STK33: variants seen among roughly 807,000 people sequenced by gnomAD.
The protein encoded by STK33 is serine/threonine-protein kinase 33.
A neutral mutation model predicts 58.0 loss-of-function variants in STK33; 52 were observed. The ratio of observed to expected loss-of-function variants is 0.90; its 90% CI spans 0.72 to 1.13. The LOEUF is 1.13. Among genes scored for constraint, STK33 ranks in the 50% most tolerant of loss-of-function variants. The probability of loss-of-function intolerance (pLI) is 0.00; values close to 1 mark genes in which losing one functional copy is unlikely to be tolerated. For missense variants in STK33, 630 were observed against 604.2 expected, an observed-to-expected ratio of 1.04 and a Z score of -0.45; for synonymous variants, 215 against 200.1, an observed-to-expected ratio of 1.07 and a Z score of -0.63.
intron 1 of STK33, among the ~76,000 whole-genome samples, chr11:8,556,982 G>A (rs2140832435): frequency 6.6e-6 from 1 of 152,032 alleles, no homozygotes; most frequent in South Asian, 2.1e-4. Context: ...CAGGCATGGT[G>A]TCTCATGCCT....
At chr11:8,347,574 C>T in the STK33 span, among the ~76,000 whole-genome samples, 16 of 152,192 alleles carry the variant, frequency 1.1e-4, no homozygotes, top group African/African-American at 2.7e-4. Flanking sequence ...CCGAGAGAAA[C>T]GAGCGCTATG....
intron 11 of STK33, among the ~76,000 whole-genome samples, chr11:8,444,600 G>A (rs1945181191): frequency 6.6e-6 from 1 of 152,046 alleles, no homozygotes; most frequent in Middle Eastern, 3.4e-3. Context: ...TGAATTTATA[G>A]GAGAATATAA....
At chr11:8,493,959 G>C (rs569643060) in intron 1 of STK33, among the ~76,000 whole-genome samples, 2 of 152,178 alleles carry the variant, frequency 1.3e-5, no homozygotes, top group Admixed American at 6.5e-5. Context: ...AAAATAATAA[G>C]AGCTATTTAT....
At chr11:8,443,759 G>A (rs1455823631) in intron 11 of STK33, among the ~76,000 whole-genome samples, 1 of 152,184 alleles carries the variant, frequency 6.6e-6, no homozygotes, top group Non-Finnish European at 1.5e-5. Flanking sequence ...AGCACTTTGG[G>A]AGGCCAAAAC....
At chr11:8,480,812 T>G (rs1006073905) in intron 1 of STK33, among the ~76,000 whole-genome samples, 198 bp from the exon 2 acceptor site, 1 of 152,122 alleles carries the variant, frequency 6.6e-6, no homozygotes, top group Non-Finnish European at 1.5e-5. Context: ...AAGGCTCTGC[T>G]GTGCTCCATC....
At chr11:8,459,600 A>G (rs1278091553) in intron 8 of STK33, among the ~76,000 whole-genome samples, 1 of 152,190 alleles carries the variant, frequency 6.6e-6, no homozygotes, top group Non-Finnish European at 1.5e-5. Context: ...GAGAGGAAAT[A>G]CATGAGGCAT....
intron 1 of STK33, among the ~76,000 whole-genome samples, chr11:8,511,069 T>C (rs902642253): frequency 2.0e-5 from 3 of 152,204 alleles, no homozygotes; most frequent in African/African-American, 2.4e-5. Context: ...AATCTGTAGA[T>C]TGCTTTTGGC....
At chr11:8,503,909 T>G (rs137997382) in intron 1 of STK33, among the ~76,000 whole-genome samples, 1 of 152,210 alleles carries the variant, frequency 6.6e-6, no homozygotes, top group Non-Finnish European at 1.5e-5. Context: ...GAACTTGACT[T>G]CTGTGTTTTA....
At chr11:8,422,140 A>C (rs1942010934) in intron 14 of STK33, among the ~76,000 whole-genome samples, 1 of 152,130 alleles carries the variant, frequency 6.6e-6, no homozygotes, top group Non-Finnish European at 1.5e-5. Context: ...GCAACATTTT[A>C]TCAGGTTAAG....
intron 15 of STK33, 126 bp from the exon 16 acceptor site, chr11:8,392,836 C>G: frequency 2.6e-6 from 2 of 781,796 alleles, no homozygotes; most frequent in South Asian, 3.6e-5. Context: ...AGGGTCCAAA[C>G]TAGTCATATT....
intron 1 of STK33, among the ~76,000 whole-genome samples, chr11:8,534,562 C>CTGTGTG (rs1385373380): frequency 0.015 from 1,933 of 128,818 alleles, 20 homozygotes; most frequent in African/African-American, 0.031. Context: ...CTCTCTCTCT[C>CTGTGTG]TCTCTCTGTG....
At chr11:8,411,624 C>T (rs941530170) in intron 15 of STK33, among the ~76,000 whole-genome samples, 6 of 152,116 alleles carry the variant, frequency 3.9e-5, no homozygotes, top group African/African-American at 1.4e-4. Flanking sequence ...CAAGCTCCTA[C>T]CCACCTTGCA....
At chr11:8,366,202 G>A in the STK33 span, among the ~76,000 whole-genome samples, 1 of 152,232 alleles carries the variant, frequency 6.6e-6, no homozygotes, top group Non-Finnish European at 1.5e-5. Context: ...CCCATCAGGG[G>A]AGGCTTCCTG....
At chr11:8,339,029 C>G in the STK33 span, among the ~76,000 whole-genome samples, 4 of 152,176 alleles carry the variant, frequency 2.6e-5, no homozygotes, top group African/African-American at 9.7e-5. Context: ...CTGAAAATCC[C>G]CATGCATCGG....
chr11:8,563,501 T>C (rs1957249572), intron 1 of STK33, among the ~76,000 whole-genome samples: 1 of 152,194 alleles, frequency 6.6e-6, no homozygotes, highest in Non-Finnish European at 1.5e-5. Context: ...ATATAACTTC[T>C]ACATCTTGGG....
intron 11 of STK33, among the ~76,000 whole-genome samples, chr11:8,452,203 G>GA (rs200192448): frequency 1.3e-5 from 2 of 148,322 alleles, no homozygotes; most frequent in African/African-American, 2.5e-5. Flanking sequence ...ACTCCGTTTC[G>GA]AAAAAAAAAG....
intron 1 of STK33, among the ~76,000 whole-genome samples, chr11:8,542,378 T>C (rs1955588858): frequency 6.6e-6 from 1 of 152,134 alleles, no homozygotes. Context: ...AAAATACATT[T>C]CAAAAAAATT....
At chr11:8,481,861 GC>G (rs1949830706) in intron 1 of STK33, among the ~76,000 whole-genome samples, 1 of 151,518 alleles carries the variant, frequency 6.6e-6, no homozygotes, top group Admixed American at 6.6e-5. Flanking sequence ...GCTTCTCCTG[GC>G]CTTACCTACT....
At chr11:8,420,975 C>A (rs1221363250) in intron 14 of STK33, among the ~76,000 whole-genome samples, 1 of 150,040 alleles carries the variant, frequency 6.7e-6, no homozygotes. Flanking sequence ...AGAGCAAGGC[C>A]CTGTCTGAAA....
Sources: gnomAD v4.1 joint callset for allele counts (sites outside exome capture counted in the v4.1 genomes callset) on GRCh38, gnomAD v4.1.1 for gene constraint, MANE v1.5 for transcripts, NCBI Gene and HGNC (gene_info 2026-07-23, HGNC 2026-07-21) for gene names.